Variants in IRAK2 observed in about 807,000 individuals in gnomAD.
IRAK2 encodes the protein interleukin-1 receptor-associated kinase-like 2.
In IRAK2, 57 loss-of-function variants were observed where a neutral mutation model predicts 72.0. That is an observed-to-expected ratio of 0.79 (90% confidence interval 0.64 to 0.99). The LOEUF (loss-of-function observed/expected upper bound fraction) is 0.99, where lower values mean the gene tolerates loss of function less well. Among genes scored for constraint, IRAK2 ranks in the 50% least tolerant of loss-of-function variants. The pLI, the probability that IRAK2 is intolerant of heterozygous loss-of-function variation, is 0.00. For synonymous variants in IRAK2, 293 were observed against 312.7 expected (o/e 0.94, Z 0.67); for missense variants, 790 against 794.4 (o/e 0.99, Z 0.07).
At chr3:10,213,917 T>TC (rs1434529667) in intron 6 of IRAK2, among the ~76,000 whole-genome samples, 1 of 152,070 alleles carries the variant, frequency 6.6e-6, no homozygotes, top group Non-Finnish European at 1.5e-5. Context: ...CTCCTTTTTT[T>TC]TTTTCTTTTC....
In IRAK2 at chr3:10,185,071, G is replaced by A. The variant is rs545259011; in HGVS notation, c.277+7051G>A. Among the ~76,000 whole-genome samples, 5 of 151,180 alleles carry A rather than the reference G, an allele frequency of 3.3e-5. No individual in the cohort carries two copies. The East Asian group carries it at 9.7e-4, about 29-fold the overall frequency. On this transcript the variant is annotated intron_variant, in intron 2 of 12. Transcript: ENST00000256458. ...GGTAAAGGAGTAAGTTCTTTGCTTG[G>A]CCCATCTGGCAGCCCTTGGTTCTCA...
chr3:10,203,822 G>A (rs920733534), intron 3 of IRAK2, among the ~76,000 whole-genome samples: 2 of 152,028 alleles, frequency 1.3e-5, no homozygotes, highest in Non-Finnish European at 2.9e-5. Flanking sequence ...TAGTAGAGAC[G>A]GGGTTTCACC....
At chr3:10,230,283 C>G (rs946626501) in intron 10 of IRAK2, among the ~76,000 whole-genome samples, 1 of 149,928 alleles carries the variant, frequency 6.7e-6, no homozygotes, top group Non-Finnish European at 1.5e-5. Flanking sequence ...ATAGTAGTAC[C>G]CCCCCCCACC....
intron 3 of IRAK2, among the ~76,000 whole-genome samples, chr3:10,202,689 CTTTTTT>C (rs374939802): frequency 1.0e-5 from 1 of 98,068 alleles, no homozygotes; most frequent in East Asian, 2.6e-4. Flanking sequence ...ACTTTCTTTC[CTTTTTT>C]TTTTTTTTTT....
chr3:10,240,478 C>T (rs1300616476), intron 12 of IRAK2, among the ~76,000 whole-genome samples: 1 of 142,790 alleles, frequency 7.0e-6, no homozygotes, highest in Non-Finnish European at 1.5e-5. Context: ...AGGTACCTTC[C>T]ATTCCTGCCA....
chr3:10,234,679 G>A lies in IRAK2; in HGVS notation c.1473+20G>A. ...CAGGAGGTGAGCCTCGCCCGCAGCGGCCTCGCTGCCTGGGCCACGCGTGGG... is the reference window on the plus strand; with the variant it reads ...CAGGAGGTGAGCCTCGCCCGCAGCGACCTCGCTGCCTGGGCCACGCGTGGG... On this transcript the variant is annotated intron_variant, in intron 11 of 12. Coordinates refer to ENST00000256458, the MANE Select transcript of IRAK2 (RefSeq NM_001570.4). 3.7e-6 allele frequency: 6 copies of A among 1,603,904 alleles called. No individual in the cohort carries two copies. Among genetic ancestry groups the A allele is most frequent in the Non-Finnish European group, 5.1e-6 (6 of 1,173,724 alleles).
intron 10 of IRAK2, among the ~76,000 whole-genome samples, chr3:10,233,286 G>C (rs574354791): frequency 6.6e-6 from 1 of 151,998 alleles, no homozygotes. Context: ...TCCTGACCTC[G>C]AGTGATCTGC....
intron 4 of IRAK2, among the ~76,000 whole-genome samples, chr3:10,209,988 C>T (rs1409762848): frequency 2.6e-5 from 4 of 152,050 alleles, no homozygotes; most frequent in East Asian, 1.9e-4. Context: ...GGCACGATCT[C>T]GGGTCACTGC....
intron 9 of IRAK2, among the ~76,000 whole-genome samples, chr3:10,224,116 C>T (rs536409169): frequency 1.4e-4 from 21 of 152,290 alleles, no homozygotes; most frequent in Non-Finnish European, 2.8e-4. Flanking sequence ...GTGGGCAGAT[C>T]ACCTGAGGTC....
rs566492139 is a variant in IRAK2 at position 10,191,069 on chromosome 3, C to T, written c.278-9300C>T. On this transcript the variant is annotated intron_variant, in intron 2 of 12. Coordinates refer to ENST00000256458, the MANE Select transcript of IRAK2 (RefSeq NM_001570.4). ...CAGCACTTTGGGAGGCCGAGGCCGG[C>T]GGATCACAAGGTCAGGAGATCGAGA... 5.3e-4 allele frequency among the ~76,000 whole-genome samples: 81 copies of T among 152,050 alleles called. 1 individual carries two copies. The highest frequency in any genetic ancestry group is 3.4e-3 in the Middle Eastern group (1 of 294).
At chr3:10,201,245 A>T (rs1311604103) in intron 3 of IRAK2, among the ~76,000 whole-genome samples, 1 of 152,250 alleles carries the variant, frequency 6.6e-6, no homozygotes, top group Non-Finnish European at 1.5e-5. Flanking sequence ...ACTAAAGCAC[A>T]GCGAGGTTAA....
At chr3:10,170,689 G>C (rs1473472412) in intron 1 of IRAK2, among the ~76,000 whole-genome samples, 1 of 152,228 alleles carries the variant, frequency 6.6e-6, no homozygotes, top group Non-Finnish European at 1.5e-5. Context: ...ACAGTGCCTG[G>C]CTAGAGGGCA....
rs772064442 is a variant in IRAK2 at position 10,164,927 on chromosome 3, C to A, written c.-28C>A. ...CCCGCAGTGTCCGACCCAGTCGTCCCGCGCCGGAGCCGGCCCCGTAGCGTG... is the reference window on the plus strand; with the variant it reads ...CCCGCAGTGTCCGACCCAGTCGTCCAGCGCCGGAGCCGGCCCCGTAGCGTG... On this transcript the variant is annotated 5_prime_UTR_variant, in exon 1 of 13. Transcript: ENST00000256458. The A allele has an allele frequency of 4.5e-6, 7 of 1,558,540 alleles. No homozygotes were observed. The highest frequency in any genetic ancestry group is 6.1e-6 in the Non-Finnish European group (7 of 1,145,068).
chr3:10,196,823 G>C (rs1453010990), intron 2 of IRAK2, among the ~76,000 whole-genome samples: 1 of 152,076 alleles, frequency 6.6e-6, no homozygotes, highest in African/African-American at 2.4e-5. Flanking sequence ...TACACAACGT[G>C]GACATTCGTT....
intron 2 of IRAK2, among the ~76,000 whole-genome samples, chr3:10,196,926 T>TTGG (rs1201311284): frequency 6.6e-6 from 1 of 152,206 alleles, no homozygotes. Context: ...GGGCAAACGC[T>TTGG]ACTCACACTA....
chr3:10,216,158 C>T (rs995429381), intron 6 of IRAK2, among the ~76,000 whole-genome samples: 4 of 152,134 alleles, frequency 2.6e-5, no homozygotes, highest in African/African-American at 9.7e-5. Context: ...AATGAAGGGA[C>T]ATTTTAAAAG....
intron 2 of IRAK2, among the ~76,000 whole-genome samples, chr3:10,198,071 C>T (rs934727196): frequency 1.3e-4 from 19 of 151,790 alleles, no homozygotes; most frequent in Admixed American, 7.9e-4. Flanking sequence ...TGCTGGTGGG[C>T]GCCTGTAGTC....
chr3:10,213,169 T>C, intron 4 of IRAK2, 38 bp from the exon 5 acceptor site: 1 of 1,567,678 alleles, frequency 6.4e-7, no homozygotes, highest in Non-Finnish European at 8.8e-7. Context: ...AAAACGAGAT[T>C]CCATAGTAAT....
chr3:10,232,740 G>A (rs932563206), intron 10 of IRAK2, among the ~76,000 whole-genome samples: 37 of 146,590 alleles, frequency 2.5e-4, no homozygotes, highest in African/African-American at 9.2e-4. Flanking sequence ...TTGATTATCA[G>A]CTTTAAACAC....
Sources: gnomAD v4.1 joint callset for allele counts (sites outside exome capture counted in the v4.1 genomes callset) on GRCh38, gnomAD v4.1.1 for gene constraint, MANE v1.5 for transcripts, NCBI Gene and HGNC (gene_info 2026-07-23, HGNC 2026-07-21) for gene names.